The following ANKRD6 variants were observed in gnomAD, a reference collection of about 807,000 sequenced individuals.
The protein encoded by ANKRD6 is ankyrin repeat domain 6, also known as ankyrin repeat domain-containing protein 6.
A neutral mutation model predicts 82.3 loss-of-function variants in ANKRD6; 56 were observed. That is an observed-to-expected ratio of 0.68 (90% confidence interval 0.55 to 0.85). ANKRD6 has a LOEUF of 0.85. Among genes scored for constraint, ANKRD6 ranks in the 40% least tolerant of loss-of-function variants. The probability of loss-of-function intolerance (pLI) is 0.00; values close to 1 mark genes in which losing one functional copy is unlikely to be tolerated. For missense variants in ANKRD6, 852 were observed against 907.6 expected (o/e 0.94, Z 0.79); for synonymous variants, 347 against 352.1 (o/e 0.99, Z 0.16).
At position 89,567,007 on chromosome 6, in the gene ANKRD6, T is replaced by C. The variant is rs1788665702; in HGVS notation, c.31T>C (p.Ser11Pro). The C allele has an allele frequency of 6.2e-7, 1 of 1,602,812 alleles. No homozygotes were observed. MSQQDAVAAL[S>P]ERLLVAAYKG... ...CCAGCAAGATGCGGTCGCTGCACTT[T>C]CAGAGCGCCTTCTCGTAGCTGCGTA... Residue 11 changes from serine (S) to proline (P), a missense_variant, in exon 2 of 16, where the codon TCA (serine) becomes CCA (proline). Ser to Pro is a moderately conservative substitution (Grantham distance 74, BLOSUM62 -1). Transcript: ENST00000339746.
chr6:89,617,832 C>A, intron 8 of ANKRD6, 122 bp from the exon 9 acceptor site: 1 of 893,876 alleles, frequency 1.1e-6, no homozygotes, highest in Non-Finnish European at 1.8e-6. Flanking sequence ...TGTTTTGCCA[C>A]GTAGGTGCTG....
chr6:89,569,924 A>G (rs1047471069), intron 2 of ANKRD6, among the ~76,000 whole-genome samples: 1 of 152,116 alleles, frequency 6.6e-6, no homozygotes, highest in Non-Finnish European at 1.5e-5. Flanking sequence ...AGCCTTCTAG[A>G]TGTTTCTTTT....
At chr6:89,458,918 C>A (rs1289138001) in intron 1 of ANKRD6, among the ~76,000 whole-genome samples, 1 of 152,186 alleles carries the variant, frequency 6.6e-6, no homozygotes, top group Non-Finnish European at 1.5e-5. Context: ...GCACCATGGG[C>A]AGCTACTCCT....
At chr6:89,562,313 C>T (rs751555714) in intron 1 of ANKRD6, 3 of 152,258 alleles carry the variant, frequency 2.0e-5, no homozygotes, top group Non-Finnish European at 2.9e-5. Context: ...TGTGCTGCCG[C>T]AGTCACTGTG....
intron 1 of ANKRD6, among the ~76,000 whole-genome samples, chr6:89,515,666 C>G (rs1380333106): frequency 6.6e-6 from 1 of 151,392 alleles, no homozygotes; most frequent in African/African-American, 2.4e-5. Context: ...ATTATATGGA[C>G]AGGATCTTGA....
chr6:89,586,850 CT>C (rs1356355251), intron 2 of ANKRD6, among the ~76,000 whole-genome samples: 2 of 152,066 alleles, frequency 1.3e-5, no homozygotes, highest in East Asian at 3.9e-4. Context: ...TTTGGTGGAT[CT>C]TTATAGAAGG....
chr6:89,583,041 A>G (rs1792923949), intron 2 of ANKRD6, among the ~76,000 whole-genome samples: 1 of 152,136 alleles, frequency 6.6e-6, no homozygotes, highest in Non-Finnish European at 1.5e-5. Context: ...AGCCTTAAAT[A>G]CTGATGCCCA....
intron 1 of ANKRD6, among the ~76,000 whole-genome samples, chr6:89,442,657 A>G (rs1771559053): frequency 6.9e-6 from 1 of 145,216 alleles, no homozygotes; most frequent in Non-Finnish European, 1.5e-5. Context: ...AAAAAAAAAA[A>G]GACAGCAATC....
intron 1 of ANKRD6, among the ~76,000 whole-genome samples, chr6:89,565,073 C>T (rs753121304): frequency 1.3e-4 from 20 of 152,322 alleles, no homozygotes; most frequent in East Asian, 3.9e-4. Context: ...AATAGTGTAA[C>T]GGTCTGGGAA....
chr6:89,547,289 A>G (rs2128022124), intron 1 of ANKRD6, among the ~76,000 whole-genome samples: 1 of 152,292 alleles, frequency 6.6e-6, no homozygotes, highest in African/African-American at 2.4e-5. Context: ...TAGAGGTGGG[A>G]AACCACTGTT....
At chr6:89,608,368 C>CACACACACTATATATATA in intron 5 of ANKRD6, among the ~76,000 whole-genome samples, 9 of 130,752 alleles carry the variant, frequency 6.9e-5, no homozygotes, top group African/African-American at 2.7e-4. Flanking sequence ...CACACACACA[C>CACACACACTATATATATA]TATATATATA....
chr6:89,559,900 AC>A (rs1379955908), intron 1 of ANKRD6, among the ~76,000 whole-genome samples: 2 of 152,182 alleles, frequency 1.3e-5, no homozygotes, highest in African/African-American at 4.8e-5. Context: ...AGATTAGTTG[AC>A]TAGGTGAGTA....
In ANKRD6 at chr6:89,590,801, G is replaced by A. The variant is rs144800861; in HGVS notation, c.121-5115G>A. ...TTAGCTGCTGTATAACTTAGAACAA[G>A]TGACAGTCTCCCAAGCCTCAGTTTC... is the stretch of plus-strand genomic sequence containing the variant. On this transcript the variant is annotated intron_variant, in intron 2 of 15. Transcript: ENST00000339746. Among the ~76,000 whole-genome samples the A allele has an allele frequency of 7.3e-4, 111 of 152,330 alleles. 4 individuals are homozygous for A. In the East Asian group the frequency reaches 0.02, roughly 28 times the overall value.
chr6:89,591,119 T>C (rs1794807673), intron 2 of ANKRD6, among the ~76,000 whole-genome samples: 1 of 152,106 alleles, frequency 6.6e-6, no homozygotes, highest in African/African-American at 2.4e-5. Context: ...CTTTCTTTTT[T>C]TAAGGAGAAG....
chr6:89,533,701 T>TGAGA lies in ANKRD6; in HGVS notation c.-143-33116_-143-33113dup, dbSNP rs146850369. ...CTCCTTTGCCTCCAGCCATCACGAA[T>TGAGA]GAGAGAGAGAGAGAGAGAGAAAATG... On this transcript the variant is annotated intron_variant, in intron 1 of 15. Transcript: ENST00000339746. Among the ~76,000 whole-genome samples, 426 of 145,146 alleles carry TGAGA rather than the reference T, an allele frequency of 2.9e-3. 7 individuals are homozygous for TGAGA. Among genetic ancestry groups the TGAGA allele is most frequent in the East Asian group, 0.027 (130 of 4,902 alleles).
intron 1 of ANKRD6, among the ~76,000 whole-genome samples, chr6:89,439,267 G>T (rs1314228377): frequency 6.6e-6 from 1 of 152,002 alleles, no homozygotes; most frequent in Non-Finnish European, 1.5e-5. Context: ...TAATGGCTTC[G>T]TTAATGTTAT....
intron 2 of ANKRD6, among the ~76,000 whole-genome samples, chr6:89,587,172 C>G (rs1793899043): frequency 7.7e-6 from 1 of 130,362 alleles, no homozygotes; most frequent in African/African-American, 3.0e-5. Flanking sequence ...GCCTGGGCGA[C>G]AGAGTGAAAC....
chr6:89,593,758 G>A (rs144028659), intron 2 of ANKRD6, among the ~76,000 whole-genome samples: 2 of 152,300 alleles, frequency 1.3e-5, no homozygotes, highest in African/African-American at 4.8e-5. Context: ...ATTGATGTTT[G>A]AATGTTTCTT....
chr6:89,630,387 T>C (rs1221230662), intron 15 of ANKRD6, 46 bp from the exon 16 acceptor site: 6 of 1,572,720 alleles, frequency 3.8e-6, no homozygotes, highest in South Asian at 3.6e-5. Context: ...CATATGACTG[T>C]GTGAATGTGG....
Sources: gnomAD v4.1 joint callset for allele counts (sites outside exome capture counted in the v4.1 genomes callset) on GRCh38, gnomAD v4.1.1 for gene constraint, MANE v1.5 for transcripts, NCBI Gene and HGNC (gene_info 2026-07-23, HGNC 2026-07-21) for gene names.